Variants in FARP1 observed in about 807,000 individuals in gnomAD.
FARP1 encodes the protein FERM, ARHGEF and pleckstrin domain-containing protein 1.
Under a neutral mutation model 128.8 loss-of-function variants are expected in FARP1, and 52 were observed. The observed-to-expected ratio is 0.40, with a 90% CI of 0.32 to 0.51. The LOEUF (loss-of-function observed/expected upper bound fraction) is 0.51, where lower values mean the gene tolerates loss of function less well. FARP1 is among the 20% of genes least tolerant of loss of function. The pLI, the probability that FARP1 is intolerant of heterozygous loss-of-function variation, is 0.45. For synonymous variants in FARP1, 580 were observed against 551.8 expected, an observed-to-expected ratio of 1.05 and a Z score of -0.72; for missense variants, 1,333 against 1,367.9, an observed-to-expected ratio of 0.97 and a Z score of 0.40.
intron 26 of FARP1, chr13:98,447,903 G>A (rs12869774): frequency 0.077 from 26,496 of 342,068 alleles, 1,306 homozygotes; most frequent in African/African-American, 0.16. Context: ...GATGGGACAC[G>A]TCCCGCCATT....
chr13:98,322,165 G>A lies in FARP1; in HGVS notation c.172-21597G>A, dbSNP rs192195093. ...ATATAAAAATGAGTGGGTCATGGTG[G>A]CAGGTGCCTGTAATCCCAGCTACTC... On this transcript the variant is annotated intron_variant, in intron 2 of 26. Coordinates refer to ENST00000319562, the MANE Select transcript of FARP1 (RefSeq NM_005766.4). 4.1e-3 allele frequency among the ~76,000 whole-genome samples: 629 copies of A among 152,310 alleles called. 7 individuals carry two copies. The highest frequency in any genetic ancestry group is 0.014 in the African/African-American group (593 of 41,552).
chr13:98,350,208 C>A (rs1888358698), intron 3 of FARP1, among the ~76,000 whole-genome samples: 1 of 152,144 alleles, frequency 6.6e-6, no homozygotes. Flanking sequence ...AGCAGAGAGT[C>A]TGGGAGGACA....
intron 2 of FARP1, among the ~76,000 whole-genome samples, chr13:98,313,107 AATACAC>A (rs1886549774): frequency 8.4e-6 from 1 of 119,444 alleles, no homozygotes; most frequent in Non-Finnish European, 1.7e-5. Flanking sequence ...GGTGGGTCAT[AATACAC>A]ACACACACAC....
intron 2 of FARP1, among the ~76,000 whole-genome samples, chr13:98,272,642 A>T (rs775188924): frequency 1.3e-5 from 2 of 152,136 alleles, no homozygotes; most frequent in African/African-American, 4.8e-5. Flanking sequence ...TGCCTGGAGT[A>T]TCTTGTCCTG....
intron 2 of FARP1, among the ~76,000 whole-genome samples, chr13:98,254,134 G>A (rs1308526046): frequency 1.3e-5 from 2 of 152,146 alleles, no homozygotes; most frequent in African/African-American, 4.8e-5. Context: ...GCGGGCAGTC[G>A]GTAGTGTGTG....
In FARP1 at chr13:98,143,489, G is replaced by T. The variant is rs1421166999; in HGVS notation, c.-27G>T. On this transcript the variant is annotated 5_prime_UTR_variant, in exon 1 of 27. Coordinates refer to ENST00000319562, the MANE Select transcript of FARP1 (RefSeq NM_005766.4). ...GAGCCGCCGCAGCCGCCGGCGCTGT[G>T]GAGGTAGGAGGCGCGCGGTGAACAA... The T allele has an allele frequency of 1.3e-5, 2 of 150,354 alleles. No individual in the cohort carries two copies. Among genetic ancestry groups the T allele is most frequent in the African/African-American group, 2.4e-5 (1 of 41,244 alleles). The allele number at this position is 150,354 out of a possible 1,614,324, so 9.3% of individuals were successfully genotyped here.
rs762781389 is a variant in FARP1, at chr13:98,393,707, G to A, written c.1153G>A (p.Val385Met). Residue 385 changes from valine (V) to methionine (M), a missense_variant, in exon 12 of 27, where the codon GTG becomes ATG. Physicochemically the swap from Val to Met is conservative, Grantham distance 21. Coordinates refer to ENST00000319562, the MANE Select transcript of FARP1 (RefSeq NM_005766.4). ...ACAGCCTACAGAACTGAATTCGGAA[G>A]TGCTGGAGCAGGTCAGTGATGGCGC... Reference protein sequence around the residue: ...ASQPTELNSEVLEQSQQSTSL... With the variant: ...ASQPTELNSEMLEQSQQSTSL... The A allele has an allele frequency of 3.1e-6, 5 of 1,613,460 alleles. No individual in the cohort carries two copies. In the Admixed American group the frequency reaches 8.3e-5, roughly 27 times the overall value.
At chr13:98,408,539 G>A (rs1566298806) in intron 13 of FARP1, among the ~76,000 whole-genome samples, 1 of 151,954 alleles carries the variant, frequency 6.6e-6, no homozygotes, top group Non-Finnish European at 1.5e-5. Flanking sequence ...ATGTTGGCTA[G>A]ACTGGTCTCA....
intron 1 of FARP1, among the ~76,000 whole-genome samples, chr13:98,187,749 C>T: frequency 6.6e-6 from 1 of 152,154 alleles, no homozygotes. Context: ...CTGCAGAAAT[C>T]GTGTGGCTGT....
At position 98,437,110 on chromosome 13, in the gene FARP1, T is replaced by TA. The variant is rs370671770; in HGVS notation, c.2274+1405dup. On this transcript the variant is annotated intron_variant, in intron 19 of 26. Coordinates refer to ENST00000319562, the MANE Select transcript of FARP1 (RefSeq NM_005766.4). ...TGAAAATGACATAATACATATTAAT[T>TA]ATCTTCGTTTTCCCCCACCTACATT... is the stretch of plus-strand genomic sequence containing the variant. Among the ~76,000 whole-genome samples, 168 of 152,296 alleles carry TA rather than the reference T, an allele frequency of 1.1e-3. 1 individual carries two copies. Among genetic ancestry groups the TA allele is most frequent in the African/African-American group, 3.9e-3 (160 of 41,544 alleles).
At chr13:98,416,258 A>G (rs1891371670) in intron 16 of FARP1, among the ~76,000 whole-genome samples, 1 of 152,226 alleles carries the variant, frequency 6.6e-6, no homozygotes, top group Non-Finnish European at 1.5e-5. Context: ...CATTAATGGA[A>G]AGAGATCTAA....
Position 98,207,908 on chromosome 13 carries a change from C to CCACACACACACACACA in FARP1, c.-23-5266_-23-5251dup, listed in dbSNP as rs71111934. Among the ~76,000 whole-genome samples, 442 of 71,604 alleles carry CCACACACACACACACA rather than the reference C, an allele frequency of 6.2e-3. 54 individuals are homozygous for CCACACACACACACACA. The highest frequency in any genetic ancestry group is 0.012 in the South Asian group (13 of 1,108). 47.0% of individuals were successfully genotyped at this position (71,604 alleles called of 152,430 possible). On this transcript the variant is annotated intron_variant, in intron 1 of 26. Transcript: ENST00000319562. Reference sequence around the variant, plus strand: ...ATATACTGCTCCCCGACCACCACCTCCACACACACACACACACACACACAC... The same window carrying CCACACACACACACACA: ...ATATACTGCTCCCCGACCACCACCTCCACACACACACACACACACACACACACACACACACACACAC...
chr13:98,237,235 C>T (rs867912514), intron 2 of FARP1, among the ~76,000 whole-genome samples: 1 of 149,438 alleles, frequency 6.7e-6, no homozygotes, highest in African/African-American at 2.5e-5. Flanking sequence ...ACCTGGGATG[C>T]GGAGGTTGGA....
chr13:98,424,809 C>T (rs1370208467), intron 17 of FARP1, among the ~76,000 whole-genome samples, 159 bp downstream of exon 17: 3 of 152,196 alleles, frequency 2.0e-5, no homozygotes, highest in Admixed American at 6.5e-5. Flanking sequence ...CAGCTTACAG[C>T]CCAGGACGGC....
chr13:98,392,615 ATC>A (rs1186959350), intron 11 of FARP1, among the ~76,000 whole-genome samples: 2 of 151,470 alleles, frequency 1.3e-5, no homozygotes, highest in African/African-American at 2.4e-5. Flanking sequence ...TTTTTTTGAG[ATC>A]TGTTTTAAGG....
intron 2 of FARP1, among the ~76,000 whole-genome samples, chr13:98,304,094 G>T (rs1375404457): frequency 6.6e-6 from 1 of 152,098 alleles, no homozygotes; most frequent in Non-Finnish European, 1.5e-5. Flanking sequence ...AGTCACTTCA[G>T]GCCTGGTAAA....
rs563185945 is a variant in FARP1, at chr13:98,184,980, A to G, written c.-23-28240A>G. ...TTTCCGTGGTGTAAATATTTCCACC[A>G]TGGCCAGTTGCAGGCTACCAACATG... is the stretch of plus-strand genomic sequence containing the variant. On this transcript the variant is annotated intron_variant, in intron 1 of 26. Coordinates refer to ENST00000319562, the MANE Select transcript of FARP1 (RefSeq NM_005766.4). Among the ~76,000 whole-genome samples, 7 of 152,352 alleles carry G rather than the reference A, an allele frequency of 4.6e-5. No individual in the cohort carries two copies. The East Asian group carries it at 9.6e-4, about 21-fold the overall frequency.
intron 11 of FARP1, among the ~76,000 whole-genome samples, chr13:98,391,463 G>GT (rs1890302982): frequency 6.6e-6 from 1 of 152,092 alleles, no homozygotes; most frequent in African/African-American, 2.4e-5. Context: ...TAGAGATGGG[G>GT]TCTGCCTATG....
intron 2 of FARP1, among the ~76,000 whole-genome samples, chr13:98,236,570 C>T (rs894691694): frequency 1.3e-5 from 2 of 151,744 alleles, no homozygotes; most frequent in African/African-American, 4.8e-5. Context: ...TTGAAAAAAA[C>T]AGATGAACCT....
Sources: gnomAD v4.1 joint callset for allele counts (sites outside exome capture counted in the v4.1 genomes callset) on GRCh38, gnomAD v4.1.1 for gene constraint, MANE v1.5 for transcripts, NCBI Gene and HGNC (gene_info 2026-07-23, HGNC 2026-07-21) for gene names.